EPHA6: variants seen among roughly 807,000 people sequenced by gnomAD.
EPHA6 encodes ephrin type-A receptor 6.
EPHA6 carries 50 observed loss-of-function variants against 112.0 expected under a neutral mutation model. That is an observed-to-expected ratio of 0.45 (90% CI 0.36 to 0.56). The LOEUF (loss-of-function observed/expected upper bound fraction) is 0.56, where lower values mean the gene tolerates loss of function less well. EPHA6 is among the 20% of genes least tolerant of loss of function. EPHA6 has a pLI of 0.00. For synonymous variants in EPHA6, 529 were observed against 490.7 expected (o/e 1.08, Z -1.03); for missense variants, 1,280 against 1,417.4 (o/e 0.90, Z 1.56).
intron 5 of EPHA6, among the ~76,000 whole-genome samples, chr3:97,347,573 A>G (rs556806340): frequency 1.3e-5 from 2 of 152,212 alleles, no homozygotes; most frequent in Non-Finnish European, 2.9e-5. Flanking sequence ...AGTGACTCCA[A>G]TGAACATGAA....
intron 11 of EPHA6, among the ~76,000 whole-genome samples, chr3:97,588,333 A>G (rs544639863): frequency 3.3e-5 from 5 of 152,216 alleles, no homozygotes; most frequent in Non-Finnish European, 5.9e-5. Context: ...ATATGTGTGC[A>G]TGTATTTCAA....
At position 97,460,320 on chromosome 3, in the gene EPHA6, A is replaced by G. The variant is rs540966842; in HGVS notation, c.1894+11590A>G. ...CAGGTATTGGGACCTAAGGATGGCA[A>G]TGTAGTTGATTTATGTTTTGGTTTC... On this transcript the variant is annotated intron_variant, in intron 7 of 17. Transcript: ENST00000389672. Among the ~76,000 whole-genome samples the G allele has an allele frequency of 8.9e-4, 136 of 152,328 alleles. 1 individual carries two copies. Among genetic ancestry groups the G allele is most frequent in the South Asian group, 3.7e-3 (18 of 4,828 alleles).
intron 5 of EPHA6, among the ~76,000 whole-genome samples, chr3:97,281,702 G>A (rs948627471): frequency 6.6e-6 from 1 of 152,010 alleles, no homozygotes. Context: ...TGCTTTATAT[G>A]GACAAGGTAC....
chr3:97,205,178 G>T (rs913475330), intron 3 of EPHA6, among the ~76,000 whole-genome samples: 4 of 152,054 alleles, frequency 2.6e-5, no homozygotes, highest in Admixed American at 2.6e-4. Flanking sequence ...TATTGCTTTT[G>T]CTTGTTTTTC....
chr3:97,553,564 C>T (rs915977367), intron 11 of EPHA6, among the ~76,000 whole-genome samples: 1 of 151,918 alleles, frequency 6.6e-6, no homozygotes, highest in Non-Finnish European at 1.5e-5. Context: ...TGAGGAAGTG[C>T]CACACTTTAA....
At chr3:97,244,434 C>A in intron 5 of EPHA6, 147 bp downstream of exon 5, 1 of 658,490 alleles carries the variant, frequency 1.5e-6, no homozygotes, top group Non-Finnish European at 2.6e-6. Flanking sequence ...TGTTCTTGTT[C>A]TTTCCTAAAA....
chr3:97,177,773 C>T (rs2076877580), intron 3 of EPHA6, among the ~76,000 whole-genome samples: 1 of 151,886 alleles, frequency 6.6e-6, no homozygotes, highest in Non-Finnish European at 1.5e-5. Context: ...GCTACTGTTG[C>T]TCCTTTTTGG....
At chr3:96,815,262 C>T (rs971690945) in intron 1 of EPHA6, among the ~76,000 whole-genome samples, 1 of 152,088 alleles carries the variant, frequency 6.6e-6, no homozygotes, top group African/African-American at 2.4e-5. Flanking sequence ...GCAGTTGGGT[C>T]CCACCGCTAG....
chr3:96,823,751 T>C (rs1198313041), intron 1 of EPHA6, among the ~76,000 whole-genome samples: 1 of 151,780 alleles, frequency 6.6e-6, no homozygotes, highest in Non-Finnish European at 1.5e-5. Flanking sequence ...TCTTGGAAAA[T>C]TGTAGAATAC....
intron 3 of EPHA6, among the ~76,000 whole-genome samples, chr3:97,068,165 GA>G (rs75312712): frequency 0.18 from 12,263 of 69,628 alleles, 605 homozygotes; most frequent in Non-Finnish European, 0.19. Flanking sequence ...AAAAAAAAAA[GA>G]AAAAAAAAAA....
intron 1 of EPHA6, among the ~76,000 whole-genome samples, chr3:96,830,890 TG>T (rs2034028052): frequency 6.6e-6 from 1 of 151,988 alleles, no homozygotes; most frequent in Non-Finnish European, 1.5e-5. Context: ...ATAAAGTAGA[TG>T]TTAAGTGTTC....
intron 6 of EPHA6, among the ~76,000 whole-genome samples, chr3:97,407,959 CAT>C (rs1163173897): frequency 1.3e-5 from 2 of 151,994 alleles, no homozygotes; most frequent in Non-Finnish European, 2.9e-5. Context: ...TTATAAGAAA[CAT>C]AAATTTATTT....
At chr3:96,826,997 C>T (rs1165035728) in intron 1 of EPHA6, among the ~76,000 whole-genome samples, 46 of 152,070 alleles carry the variant, frequency 3.0e-4, no homozygotes, top group Admixed American at 3.0e-3. Flanking sequence ...CAATTTAAAA[C>T]GGCCTAAATT....
At chr3:97,191,772 C>T (rs557577597) in intron 3 of EPHA6, among the ~76,000 whole-genome samples, 2 of 152,194 alleles carry the variant, frequency 1.3e-5, no homozygotes, top group African/African-American at 4.8e-5. Context: ...GGAGTTTGCA[C>T]GTAGTGCTGA....
At chr3:96,842,347 C>T (rs1199191225) in intron 1 of EPHA6, among the ~76,000 whole-genome samples, 1 of 152,028 alleles carries the variant, frequency 6.6e-6, no homozygotes, top group Non-Finnish European at 1.5e-5. Context: ...GTTAACTGCC[C>T]TTTACCTGGT....
chr3:97,009,841 TC>T (rs1434982140), intron 3 of EPHA6, among the ~76,000 whole-genome samples: 2 of 152,126 alleles, frequency 1.3e-5, no homozygotes, highest in African/African-American at 4.8e-5. Flanking sequence ...GGGAACAGAC[TC>T]CCCTTCCCTT....
intron 2 of EPHA6, among the ~76,000 whole-genome samples, chr3:96,962,550 A>G (rs1174169564): frequency 6.7e-6 from 1 of 148,970 alleles, no homozygotes; most frequent in African/African-American, 2.5e-5. Context: ...AGCCCACTCC[A>G]TCAAGAGAAT....
At chr3:97,265,031 C>T (rs748242245) in intron 5 of EPHA6, among the ~76,000 whole-genome samples, 7 of 152,158 alleles carry the variant, frequency 4.6e-5, no homozygotes, top group Non-Finnish European at 8.8e-5. Flanking sequence ...GTCATCCTGA[C>T]AATTGTTAAG....
chr3:97,695,819 A>C (rs2107721007), intron 14 of EPHA6, among the ~76,000 whole-genome samples: 1 of 152,306 alleles, frequency 6.6e-6, no homozygotes, highest in Non-Finnish European at 1.5e-5. Context: ...GATTACAGGC[A>C]TGAGCCATCA....
Sources: gnomAD v4.1 joint callset for allele counts (sites outside exome capture counted in the v4.1 genomes callset) on GRCh38, gnomAD v4.1.1 for gene constraint, MANE v1.5 for transcripts, NCBI Gene and HGNC (gene_info 2026-07-23, HGNC 2026-07-21) for gene names.